ACTR3C: variants seen among roughly 807,000 people sequenced by gnomAD.
ACTR3C encodes the protein actin related protein 3C.
ACTR3C carries 18 observed loss-of-function variants against 26.3 expected under a neutral mutation model. That is an observed-to-expected ratio of 0.68 (90% confidence interval 0.47 to 1.01). The LOEUF is 1.01. Ranked by LOEUF, ACTR3C falls within the 50% of genes least tolerant of loss-of-function variation. The probability of loss-of-function intolerance (pLI) is 0.00; values close to 1 mark genes in which losing one functional copy is unlikely to be tolerated. For missense variants in ACTR3C, 184 were observed against 250.7 expected, an observed-to-expected ratio of 0.73 and a Z score of 1.80; for synonymous variants, 55 against 94.5, an observed-to-expected ratio of 0.58 and a Z score of 2.42.
intron 6 of ACTR3C, among the ~76,000 whole-genome samples, chr7:150,277,905 T>C (rs1276277547): frequency 2.6e-5 from 4 of 152,146 alleles, no homozygotes; most frequent in Non-Finnish European, 5.9e-5. Context: ...TGGGTCACAT[T>C]ACACTCCTGC....
chr7:150,132,819 C>A, the ACTR3C span, among the ~76,000 whole-genome samples: 1 of 152,138 alleles, frequency 6.6e-6, no homozygotes, highest in African/African-American at 2.4e-5. Context: ...TGCAGCACTA[C>A]TCACAATAGC....
At chr7:149,932,532 G>A in the ACTR3C span, among the ~76,000 whole-genome samples, 1 of 152,174 alleles carries the variant, frequency 6.6e-6, no homozygotes, top group Admixed American at 6.5e-5. Context: ...CAAGATGAAG[G>A]ACCACATCAA....
rs397833374 is a variant in ACTR3C at position 150,286,361 on chromosome 7, C to T, written c.471+6G>A. 7 of 1,613,940 alleles carry T rather than the reference C, an allele frequency of 4.3e-6. No homozygotes were observed. Among genetic ancestry groups the T allele is most frequent in the South Asian group, 1.1e-5 (1 of 91,030 alleles). ...ACTTGAGCACACAAAAAAAGAAACA[C>T]CTTACCTCCGGGTGAAAGAATATTT... On this transcript the variant is annotated splice_donor_region_variant and intron_variant, in intron 5 of 7. Coordinates refer to ENST00000683684, the MANE Select transcript of ACTR3C (RefSeq NM_001164458.2).
chr7:150,311,292 C>G (rs1046528747), intron 1 of ACTR3C, among the ~76,000 whole-genome samples: 13 of 152,188 alleles, frequency 8.5e-5, no homozygotes, highest in African/African-American at 3.1e-4. Context: ...CACACAGGAG[C>G]CAGGCCCACA....
chr7:150,186,428 A>C, the ACTR3C span, among the ~76,000 whole-genome samples: 1 of 152,166 alleles, frequency 6.6e-6, no homozygotes, highest in African/African-American at 2.4e-5. Context: ...ATGAGAAAAC[A>C]TTCTTATTGA....
At chr7:149,950,374 C>T in the ACTR3C span, among the ~76,000 whole-genome samples, 6 of 146,400 alleles carry the variant, frequency 4.1e-5, 2 homozygotes, top group African/African-American at 1.7e-4. Context: ...AAAGAATCAG[C>T]GAGGGTTGGT....
At chr7:149,892,168 T>C in the ACTR3C span, 1 of 1,292,856 alleles carries the variant, frequency 7.7e-7, no homozygotes, top group Non-Finnish European at 1.1e-6. Flanking sequence ...AACATAAGAA[T>C]AGAAACACAT....
At chr7:150,141,618 G>T in the ACTR3C span, among the ~76,000 whole-genome samples, 1 of 152,030 alleles carries the variant, frequency 6.6e-6, no homozygotes, top group Non-Finnish European at 1.5e-5. Flanking sequence ...AGGAGGCCAG[G>T]TTCTTGGCCT....
the ACTR3C span, among the ~76,000 whole-genome samples, chr7:150,181,154 A>G: frequency 6.6e-6 from 1 of 150,974 alleles, no homozygotes; most frequent in African/African-American, 2.5e-5. Context: ...TACATGGCCA[A>G]TTATAAAATA....
chr7:150,276,299 T>A (rs1476457124), intron 6 of ACTR3C, among the ~76,000 whole-genome samples: 1 of 152,110 alleles, frequency 6.6e-6, no homozygotes, highest in African/African-American at 2.4e-5. Flanking sequence ...CTATCAGCCA[T>A]CCTCTGTAAC....
chr7:150,186,212 C>T, the ACTR3C span, among the ~76,000 whole-genome samples: 2 of 152,140 alleles, frequency 1.3e-5, no homozygotes, highest in African/African-American at 4.8e-5. Context: ...GAGAATACAC[C>T]TAAGTGACTA....
chr7:150,057,551 G>C, the ACTR3C span, among the ~76,000 whole-genome samples: 6 of 152,140 alleles, frequency 3.9e-5, no homozygotes, highest in Non-Finnish European at 8.8e-5. Context: ...CTCCCAAAGT[G>C]CTGGGATTAC....
At chr7:150,308,016 C>A (rs1452440608) in intron 1 of ACTR3C, among the ~76,000 whole-genome samples, 1 of 152,186 alleles carries the variant, frequency 6.6e-6, no homozygotes, top group Non-Finnish European at 1.5e-5. Flanking sequence ...AACTCTGGAG[C>A]TGGTCACAGA....
the ACTR3C span, among the ~76,000 whole-genome samples, chr7:149,936,100 C>G: frequency 2.0e-5 from 3 of 152,160 alleles, no homozygotes; most frequent in African/African-American, 7.2e-5. Flanking sequence ...GTCATTTCAT[C>G]GCCAAGGTGA....
chr7:150,127,206 G>A, the ACTR3C span, among the ~76,000 whole-genome samples: 5 of 149,158 alleles, frequency 3.4e-5, no homozygotes, highest in East Asian at 4.0e-4. Flanking sequence ...TGGTGAACAC[G>A]TTACTCTAAG....
At chr7:150,072,356 G>A in the ACTR3C span, among the ~76,000 whole-genome samples, 6 of 125,790 alleles carry the variant, frequency 4.8e-5, no homozygotes, top group Non-Finnish European at 8.8e-5. Flanking sequence ...TGTGGCCTTG[G>A]CCAGACAAGG....
the ACTR3C span, among the ~76,000 whole-genome samples, chr7:150,128,053 CAAA>C: frequency 0.21 from 23,322 of 109,912 alleles, 2,171 homozygotes; most frequent in Non-Finnish European, 0.23. Flanking sequence ...AAATTCATTC[CAAA>C]AAAAAAAAAA....
At chr7:149,967,028 ATTTT>A in the ACTR3C span, among the ~76,000 whole-genome samples, 198 of 64,706 alleles carry the variant, frequency 3.1e-3, 2 homozygotes, top group African/African-American at 0.01. Flanking sequence ...TGCACAGCTA[ATTTT>A]TTTTTTTTTT....
At chr7:150,214,796 A>G in the ACTR3C span, among the ~76,000 whole-genome samples, 2 of 151,386 alleles carry the variant, frequency 1.3e-5, no homozygotes, top group Non-Finnish European at 2.9e-5. Context: ...ATGCAGACAA[A>G]GAAAAATAAT....
Sources: allele counts gnomAD v4.1 joint callset (sites outside exome capture counted in the v4.1 genomes callset), GRCh38; gene constraint gnomAD v4.1.1; transcripts MANE v1.5; gene names NCBI Gene and HGNC (gene_info 2026-07-23, HGNC 2026-07-21).